Variants in CDH8 observed in about 807,000 individuals in gnomAD.
CDH8 encodes the protein cadherin-8.
CDH8 carries 17 observed loss-of-function variants against 68.1 expected under a neutral mutation model. That is an observed-to-expected ratio of 0.25 (90% confidence interval 0.17 to 0.37). The LOEUF (loss-of-function observed/expected upper bound fraction) is 0.37, where lower values mean the gene tolerates loss of function less well. Among genes scored for constraint, CDH8 ranks in the 10% least tolerant of loss-of-function variants. The probability of loss-of-function intolerance (pLI) is 1.00; values close to 1 mark genes in which losing one functional copy is unlikely to be tolerated. For missense variants in CDH8, 763 were observed against 999.3 expected (o/e 0.76, Z 3.19); for synonymous variants, 372 against 365.1 (o/e 1.02, Z -0.21).
At chr16:61,743,319 G>A (rs1379963346) in intron 8 of CDH8, 1 of 152,432 alleles carries the variant, frequency 6.6e-6, no homozygotes, top group Non-Finnish European at 1.5e-5. Context: ...TCCTCCTCGG[G>A]GATGGTCATT....
At chr16:62,005,693 G>A (rs1250048737) in intron 2 of CDH8, among the ~76,000 whole-genome samples, 1 of 135,980 alleles carries the variant, frequency 7.4e-6, no homozygotes, top group Non-Finnish European at 1.5e-5. Context: ...CCCAGATCAC[G>A]CCACTGCATT....
rs187238581 is a variant in CDH8 at position 62,024,346 on chromosome 16, C to A, written c.-199-2744G>T. ...AGGACTAAAGGAGATACTCATGGTA[C>A]GTCAGATAGGATAGACTAGCATGCA... On this transcript the variant is annotated intron_variant, in intron 1 of 11. Transcript: ENST00000577390. 3.9e-5 allele frequency among the ~76,000 whole-genome samples: 6 copies of A among 152,188 alleles called. No individual in the cohort carries two copies. In the East Asian group the frequency reaches 9.7e-4, roughly 24 times the overall value.
chr16:62,015,037 A>G (rs906232843), intron 2 of CDH8, among the ~76,000 whole-genome samples: 4 of 152,060 alleles, frequency 2.6e-5, no homozygotes, highest in African/African-American at 9.7e-5. Flanking sequence ...ACACACACAG[A>G]GGCTGAGCAT....
chr16:61,950,283 G>C (rs1405632142), intron 2 of CDH8, among the ~76,000 whole-genome samples: 1 of 152,172 alleles, frequency 6.6e-6, no homozygotes. Context: ...AGGTGCAAGA[G>C]ATAAGACAGA....
At chr16:61,852,594 C>T (rs760040135) in intron 4 of CDH8, among the ~76,000 whole-genome samples, 23 of 151,958 alleles carry the variant, frequency 1.5e-4, no homozygotes, top group Non-Finnish European at 2.5e-4. Context: ...AGCATGAATG[C>T]TGCTCCTAAA....
In CDH8 at chr16:61,861,289, C is replaced by T. The variant is rs185407144; in HGVS notation, c.548-4051G>A. 2.6e-4 allele frequency among the ~76,000 whole-genome samples: 40 copies of T among 152,290 alleles called. No individual in the cohort carries two copies. In the Middle Eastern group the frequency reaches 0.01, roughly 39 times the overall value. Reference sequence around the variant, plus strand: ...GCTTCATCCATTCTCCCTAGAGACACTAATTTCTATTGTGATTACTTTGAA... The same window carrying T: ...GCTTCATCCATTCTCCCTAGAGACATTAATTTCTATTGTGATTACTTTGAA... On this transcript the variant is annotated intron_variant, in intron 3 of 11. Transcript: ENST00000577390.
At chr16:61,996,818 C>A (rs974975524) in intron 2 of CDH8, among the ~76,000 whole-genome samples, 1 of 152,120 alleles carries the variant, frequency 6.6e-6, no homozygotes, top group East Asian at 1.9e-4. Flanking sequence ...CGGGCTCAAG[C>A]AATACTCCGA....
At position 62,020,498 on chromosome 16, in the gene CDH8, GCACACACA is replaced by G. The variant is rs3072068; in HGVS notation, c.252+646_252+653del. On this transcript the variant is annotated intron_variant, in intron 2 of 11. Coordinates refer to ENST00000577390, the MANE Select transcript of CDH8 (RefSeq NM_001796.5). The stretch of plus-strand genomic sequence containing the variant: ...CAGTCTAACACACACACGCGCGCGC[GCACACACA>G]CACACACACACACACACACTCCACT... Among the ~76,000 whole-genome samples the G allele has an allele frequency of 2.9e-3, 429 of 149,746 alleles. 2 individuals carry two copies. Among genetic ancestry groups the G allele is most frequent in the African/African-American group, 4.1e-3 (167 of 40,840 alleles).
At chr16:61,883,674 C>T (rs577689243) in intron 3 of CDH8, among the ~76,000 whole-genome samples, 11 of 149,760 alleles carry the variant, frequency 7.3e-5, no homozygotes, top group Non-Finnish European at 1.5e-4. Flanking sequence ...GATAGCAGAC[C>T]AAAATACTAG....
At chr16:61,846,793 A>C (rs1962815200) in intron 4 of CDH8, among the ~76,000 whole-genome samples, 2 of 152,286 alleles carry the variant, frequency 1.3e-5, no homozygotes, top group South Asian at 4.1e-4. Context: ...TTTGGAACAA[A>C]ATAAAACAGA....
chr16:61,714,700 T>G (rs1347526039), intron 9 of CDH8, among the ~76,000 whole-genome samples: 1 of 151,636 alleles, frequency 6.6e-6, no homozygotes, highest in African/African-American at 2.4e-5. Flanking sequence ...CAGATAATTA[T>G]CTTAATAATT....
At chr16:61,821,489 C>T (rs1962214776) in intron 5 of CDH8, among the ~76,000 whole-genome samples, 1 of 151,932 alleles carries the variant, frequency 6.6e-6, no homozygotes, top group Non-Finnish European at 1.5e-5. Context: ...TCGTCGTTGC[C>T]AACATAAAAT....
intron 3 of CDH8, among the ~76,000 whole-genome samples, chr16:61,870,092 T>C (rs1445344258): frequency 6.6e-6 from 1 of 152,210 alleles, no homozygotes; most frequent in Non-Finnish European, 1.5e-5. Context: ...AATCATTGAT[T>C]TAGCAGTCTC....
intron 10 of CDH8, chr16:61,693,375 T>C (rs536901055): frequency 6.6e-6 from 1 of 152,134 alleles, no homozygotes; most frequent in African/African-American, 2.4e-5. Flanking sequence ...TTGGATGCCT[T>C]CTCCCTAGAA....
intron 4 of CDH8, among the ~76,000 whole-genome samples, chr16:61,828,054 A>G (rs572340309): frequency 1.3e-5 from 2 of 151,688 alleles, no homozygotes; most frequent in Admixed American, 6.6e-5. Flanking sequence ...AGGATGAGAT[A>G]GGAAGCCAGA....
intron 2 of CDH8, among the ~76,000 whole-genome samples, chr16:61,914,040 T>C (rs1471118954): frequency 1.3e-5 from 2 of 152,108 alleles, no homozygotes; most frequent in Non-Finnish European, 2.9e-5. Context: ...CTGACTGGTG[T>C]CTTTATAAGA....
At chr16:61,908,317 C>T (rs758598350) in intron 2 of CDH8, among the ~76,000 whole-genome samples, 4 of 152,150 alleles carry the variant, frequency 2.6e-5, no homozygotes, top group East Asian at 1.9e-4. Context: ...GGGACTTTGA[C>T]ATGATATTAG....
At chr16:61,768,311 CCTTTCTCTCTCTCTCTCTCT>C (rs1960651560) in intron 8 of CDH8, among the ~76,000 whole-genome samples, 2 of 16,398 alleles carry the variant, frequency 1.2e-4, no homozygotes, top group Admixed American at 7.5e-4. Flanking sequence ...TGTGTCTCTC[CCTTTCTCTCTCTCTCTCTCT>C]CTCTCTCTCT....
intron 2 of CDH8, among the ~76,000 whole-genome samples, chr16:61,969,998 A>T (rs1441432259): frequency 6.6e-6 from 1 of 152,212 alleles, no homozygotes; most frequent in Non-Finnish European, 1.5e-5. Context: ...GCTGCTCAGG[A>T]CTTCACACAT....
Sources: allele counts gnomAD v4.1 joint callset (sites outside exome capture counted in the v4.1 genomes callset), GRCh38; gene constraint gnomAD v4.1.1; transcripts MANE v1.5; gene names NCBI Gene and HGNC (gene_info 2026-07-23, HGNC 2026-07-21).